NKAIN3: variants seen among roughly 807,000 people sequenced by gnomAD.
NKAIN3 encodes the protein sodium/potassium-transporting ATPase subunit beta-1-interacting protein 3.
A neutral mutation model predicts 30.2 loss-of-function variants in NKAIN3; 25 were observed. The ratio of observed to expected loss-of-function variants is 0.83; its 90% CI spans 0.60 to 1.16. The LOEUF (loss-of-function observed/expected upper bound fraction) is 1.16. Among genes scored for constraint, NKAIN3 ranks in the 50% most tolerant of loss-of-function variants. The probability of loss-of-function intolerance (pLI) is 0.00; values close to 1 mark genes in which losing one functional copy is unlikely to be tolerated. For missense variants in NKAIN3, 225 were observed against 254.1 expected (o/e 0.89, Z 0.78); for synonymous variants, 91 against 89.6 (o/e 1.02, Z -0.09).
chr8:62,254,153 CGTGTGTGTGTGTGTGTGTGTGTGTGT>C (rs10629239), intron 1 of NKAIN3, among the ~76,000 whole-genome samples: 1 of 136,974 alleles, frequency 7.3e-6, no homozygotes, highest in South Asian at 2.6e-4. Flanking sequence ...GCTTGGGTAT[CGTGTGTGTGTGTGTGTGTGTGTGTGT>C]GTGTGTGTGT....
chr8:62,395,111 G>A (rs1326907027), intron 1 of NKAIN3, among the ~76,000 whole-genome samples: 3 of 143,692 alleles, frequency 2.1e-5, no homozygotes, highest in African/African-American at 7.7e-5. Flanking sequence ...TGGGGCGACG[G>A]GACAGAGGTG....
intron 1 of NKAIN3, among the ~76,000 whole-genome samples, chr8:62,412,563 T>A (rs1804277550): frequency 6.6e-6 from 1 of 152,044 alleles, no homozygotes; most frequent in African/African-American, 2.4e-5. Flanking sequence ...AGGTCTACTA[T>A]CCAGACTCTA....
intron 4 of NKAIN3, among the ~76,000 whole-genome samples, chr8:62,905,749 T>A (rs753452688): frequency 1.3e-5 from 2 of 152,154 alleles, no homozygotes; most frequent in Non-Finnish European, 2.9e-5. Flanking sequence ...TCTGTACCCC[T>A]CATACTTCTC....
intron 4 of NKAIN3, among the ~76,000 whole-genome samples, chr8:62,845,612 A>T (rs1420922093): frequency 6.6e-6 from 1 of 152,056 alleles, no homozygotes; most frequent in Non-Finnish European, 1.5e-5. Context: ...GTTATCCCAG[A>T]AGATGTGAAA....
chr8:62,932,297 G>A (rs550497741), intron 5 of NKAIN3, among the ~76,000 whole-genome samples: 38 of 152,292 alleles, frequency 2.5e-4, no homozygotes, highest in Admixed American at 7.9e-4. Flanking sequence ...AATAAAACTC[G>A]ATCTGCCAGA....
intron 1 of NKAIN3, among the ~76,000 whole-genome samples, chr8:62,557,364 A>G (rs1245993786): frequency 6.6e-6 from 1 of 152,134 alleles, no homozygotes; most frequent in Non-Finnish European, 1.5e-5. Flanking sequence ...TGCTATAAAC[A>G]TGCATGTACA....
At chr8:62,644,966 TCAATAGATTAAAGGAA>T (rs915154288) in intron 3 of NKAIN3, among the ~76,000 whole-genome samples, 38 of 152,290 alleles carry the variant, frequency 2.5e-4, no homozygotes, top group African/African-American at 8.9e-4. Context: ...ATTTTTTCAT[TCAATAGATTAAAGGAA>T]CACCCAGAGG....
intron 1 of NKAIN3, among the ~76,000 whole-genome samples, chr8:62,422,908 C>G (rs1194613948): frequency 6.6e-6 from 1 of 152,016 alleles, no homozygotes; most frequent in East Asian, 1.9e-4. Context: ...AAGAAACAAT[C>G]CCTTAACTCA....
intron 3 of NKAIN3, among the ~76,000 whole-genome samples, chr8:62,744,508 C>T (rs557831504): frequency 6.6e-6 from 1 of 152,220 alleles, no homozygotes; most frequent in Admixed American, 6.5e-5. Context: ...GGAAAGGTCG[C>T]TGGGTAAGAA....
chr8:62,323,432 T>G (rs995417553), intron 1 of NKAIN3, among the ~76,000 whole-genome samples: 1 of 152,208 alleles, frequency 6.6e-6, no homozygotes, highest in African/African-American at 2.4e-5. Flanking sequence ...GTGGATTACA[T>G]AAGTTATTTT....
intron 1 of NKAIN3, among the ~76,000 whole-genome samples, chr8:62,348,959 C>T (rs1816097529): frequency 6.6e-6 from 1 of 152,134 alleles, no homozygotes; most frequent in Admixed American, 6.5e-5. Flanking sequence ...TTCAGATTTT[C>T]ACTTTAGGTT....
At chr8:62,672,091 G>A (rs1008987572) in intron 3 of NKAIN3, among the ~76,000 whole-genome samples, 1 of 152,140 alleles carries the variant, frequency 6.6e-6, no homozygotes, top group African/African-American at 2.4e-5. Flanking sequence ...GAAGCTATTG[G>A]GAAGTGGAAA....
chr8:62,431,333 C>T (rs929178227), intron 1 of NKAIN3, among the ~76,000 whole-genome samples: 2 of 151,824 alleles, frequency 1.3e-5, no homozygotes, highest in Admixed American at 1.3e-4. Context: ...CCAAGATGAA[C>T]ATCATGATTC....
intron 1 of NKAIN3, among the ~76,000 whole-genome samples, chr8:62,295,586 GT>G (rs1813799647): frequency 6.6e-6 from 1 of 152,084 alleles, no homozygotes; most frequent in African/African-American, 2.4e-5. Context: ...TATATATGTA[GT>G]ATAGCGGTTT....
intron 4 of NKAIN3, among the ~76,000 whole-genome samples, chr8:62,832,078 G>C (rs1819214426): frequency 6.6e-6 from 1 of 152,186 alleles, no homozygotes; most frequent in African/African-American, 2.4e-5. Context: ...CATTCTTAGA[G>C]AAATTCCAAC....
chr8:62,955,480 CATATATTTGTTATGTGATA>C (rs1252724976), intron 6 of NKAIN3, among the ~76,000 whole-genome samples: 1 of 151,584 alleles, frequency 6.6e-6, no homozygotes, highest in Non-Finnish European at 1.5e-5. Context: ...AAAGAGTCTT[CATATATTTGTTATGTGATA>C]AGAGGATGAT....
chr8:62,484,296 C>G (rs1806832263), intron 1 of NKAIN3, among the ~76,000 whole-genome samples: 1 of 152,236 alleles, frequency 6.6e-6, no homozygotes, highest in Admixed American at 6.5e-5. Flanking sequence ...GTCTCGCCCC[C>G]AGGCATCTTC....
At chr8:62,508,340 C>G (rs1807709096) in intron 1 of NKAIN3, among the ~76,000 whole-genome samples, 2 of 152,258 alleles carry the variant, frequency 1.3e-5, no homozygotes, top group South Asian at 4.1e-4. Context: ...TGCTTTAGAC[C>G]CATTCTTGCC....
chr8:62,754,557 A>T (rs548443004), intron 4 of NKAIN3, among the ~76,000 whole-genome samples: 2 of 152,308 alleles, frequency 1.3e-5, no homozygotes, highest in South Asian at 4.1e-4. Flanking sequence ...CTGATAGGTG[A>T]CAAGTCACAT....
Sources: allele counts gnomAD v4.1 joint callset (sites outside exome capture counted in the v4.1 genomes callset), GRCh38; gene constraint gnomAD v4.1.1; transcripts MANE v1.5; gene names NCBI Gene and HGNC (gene_info 2026-07-23, HGNC 2026-07-21).